Variants in PTPRK observed in about 807,000 individuals in gnomAD.
PTPRK encodes protein tyrosine phosphatase receptor type K.
PTPRK carries 75 observed loss-of-function variants against 178.0 expected under a neutral mutation model. The ratio of observed to expected loss-of-function variants is 0.42; its 90% confidence interval spans 0.35 to 0.51. The LOEUF is 0.51. Ranked by LOEUF, PTPRK falls within the 20% of genes least tolerant of loss-of-function variation. PTPRK has a pLI of 0.02. For missense variants in PTPRK, 1,441 were observed against 1,797.8 expected (o/e 0.80, Z 3.59); for synonymous variants, 637 against 620.6 (o/e 1.03, Z -0.39).
At chr6:128,096,628 A>T (rs1340594054) in intron 7 of PTPRK, among the ~76,000 whole-genome samples, 2 of 152,030 alleles carry the variant, frequency 1.3e-5, no homozygotes, top group African/African-American at 4.8e-5. Flanking sequence ...AAGGAAAAAT[A>T]AAAAAAAGAA....
intron 2 of PTPRK, among the ~76,000 whole-genome samples, chr6:128,366,271 G>A (rs535217093): frequency 1.3e-5 from 2 of 152,030 alleles, no homozygotes; most frequent in South Asian, 2.1e-4. Flanking sequence ...GATCACTTAC[G>A]GAAAAACACT....
chr6:128,411,073 T>C (rs1207849742), intron 1 of PTPRK, among the ~76,000 whole-genome samples: 4 of 152,186 alleles, frequency 2.6e-5, no homozygotes, highest in Non-Finnish European at 4.4e-5. Context: ...TGTATTTTTT[T>C]GTAGAGACAG....
At position 128,112,521 on chromosome 6, in the gene PTPRK, C is replaced by G. The variant is rs10457505; in HGVS notation, c.1163-22529G>C. ...TTATTTGCTCAGCAAAGGGAAAACA[C>G]TTAGGAAAACTGTGGTACAATAAAA... is the stretch of plus-strand genomic sequence containing the variant. On this transcript the variant is annotated intron_variant, in intron 7 of 29. Coordinates refer to ENST00000368226, the MANE Select transcript of PTPRK (RefSeq NM_002844.4). 4.7e-4 allele frequency among the ~76,000 whole-genome samples: 71 copies of G among 152,128 alleles called. 3 individuals carry two copies. Among genetic ancestry groups the G allele is most frequent in the South Asian group, 8.3e-4 (4 of 4,826 alleles).
chr6:128,159,659 T>A (rs150116901), intron 7 of PTPRK, among the ~76,000 whole-genome samples: 1 of 151,826 alleles, frequency 6.6e-6, no homozygotes, highest in African/African-American at 2.4e-5. Flanking sequence ...AAGTACCAAT[T>A]TGCAACTCTT....
intron 6 of PTPRK, among the ~76,000 whole-genome samples, chr6:128,199,090 C>T (rs144914467): frequency 2.0e-5 from 3 of 152,258 alleles, no homozygotes; most frequent in Non-Finnish European, 2.9e-5. Flanking sequence ...TCAGCATACC[C>T]TATGACCTAG....
intron 15 of PTPRK, among the ~76,000 whole-genome samples, chr6:128,003,855 A>G (rs960492743): frequency 9.2e-5 from 14 of 151,888 alleles, no homozygotes; most frequent in Middle Eastern, 3.2e-3. Context: ...AATAAAAATA[A>G]AATAGATCTG....
chr6:128,438,285 T>C (rs1562522892), intron 1 of PTPRK, among the ~76,000 whole-genome samples: 1 of 152,246 alleles, frequency 6.6e-6, no homozygotes, highest in Non-Finnish European at 1.5e-5. Flanking sequence ...CGTGCCACTT[T>C]TGAATGGATG....
At chr6:128,244,296 A>G (rs1815057255) in intron 3 of PTPRK, among the ~76,000 whole-genome samples, 1 of 152,252 alleles carries the variant, frequency 6.6e-6, no homozygotes, top group South Asian at 2.1e-4. Flanking sequence ...TTTCGAAGTT[A>G]TCTGACGAAG....
At chr6:128,140,366 T>C (rs1440359497) in intron 7 of PTPRK, among the ~76,000 whole-genome samples, 1 of 152,004 alleles carries the variant, frequency 6.6e-6, no homozygotes, top group African/African-American at 2.4e-5. Context: ...TCTGAAGCAT[T>C]ACCTTTCAAA....
chr6:128,469,074 G>A (rs957984949), intron 1 of PTPRK, among the ~76,000 whole-genome samples: 1 of 152,106 alleles, frequency 6.6e-6, no homozygotes, highest in Admixed American at 6.6e-5. Context: ...TTTCACATTT[G>A]TAGGAAAAAA....
intron 13 of PTPRK, among the ~76,000 whole-genome samples, chr6:128,035,107 C>T (rs1775987621): frequency 6.6e-6 from 1 of 152,166 alleles, no homozygotes; most frequent in Admixed American, 6.5e-5. Context: ...CACGGTGGCT[C>T]AAGCCTGGCA....
chr6:128,291,108 C>T (rs951677432), intron 3 of PTPRK, among the ~76,000 whole-genome samples: 13 of 151,790 alleles, frequency 8.6e-5, no homozygotes, highest in Admixed American at 2.0e-4. Flanking sequence ...CTTGGATTAC[C>T]CAGGTGGGTT....
intron 7 of PTPRK, among the ~76,000 whole-genome samples, chr6:128,142,501 ATG>A (rs752143362): frequency 9.3e-5 from 12 of 129,440 alleles, no homozygotes; most frequent in East Asian, 5.5e-4. Flanking sequence ...AAATTCTCCC[ATG>A]TGTGTGTGTG....
chr6:128,314,113 G>A (rs901240848), intron 3 of PTPRK, among the ~76,000 whole-genome samples: 2 of 152,082 alleles, frequency 1.3e-5, no homozygotes, highest in African/African-American at 4.8e-5. Flanking sequence ...TGCCTAGTTC[G>A]TTTTTGTCAT....
At chr6:128,389,668 C>T (rs1223360414) in intron 2 of PTPRK, among the ~76,000 whole-genome samples, 2 of 151,810 alleles carry the variant, frequency 1.3e-5, no homozygotes, top group Non-Finnish European at 2.9e-5. Context: ...TTTGAAATTG[C>T]TGTGTGTTCC....
intron 7 of PTPRK, among the ~76,000 whole-genome samples, chr6:128,121,573 T>A (rs1445905816): frequency 6.6e-6 from 1 of 151,980 alleles, no homozygotes; most frequent in Non-Finnish European, 1.5e-5. Context: ...AAGTACAAAC[T>A]TATCTGCACA....
chr6:128,132,547 G>A lies in PTPRK; in HGVS notation c.1163-42555C>T, dbSNP rs974765201. Among the ~76,000 whole-genome samples the A allele has an allele frequency of 5.3e-5, 8 of 152,318 alleles. No homozygotes were observed. In the East Asian group the frequency reaches 9.6e-4, roughly 18 times the overall value. ...TCCTCTGATTCTCCCTTTCCCCACC[G>A]GGGCCCACACTAGAGAACAGCAGTC... On this transcript the variant is annotated intron_variant, in intron 7 of 29. Transcript: ENST00000368226.
chr6:128,009,771 T>C (rs1174512727), intron 13 of PTPRK, among the ~76,000 whole-genome samples: 1 of 151,242 alleles, frequency 6.6e-6, no homozygotes, highest in Non-Finnish European at 1.5e-5. Flanking sequence ...TGATTTAATA[T>C]ATATAATTTG....
At chr6:128,344,579 G>A (rs547218005) in intron 2 of PTPRK, among the ~76,000 whole-genome samples, 6 of 151,760 alleles carry the variant, frequency 4.0e-5, no homozygotes, top group African/African-American at 4.8e-5. Context: ...AGATCATGGC[G>A]ATCATGGCTC....
Sources: allele counts gnomAD v4.1 joint callset (sites outside exome capture counted in the v4.1 genomes callset), GRCh38; gene constraint gnomAD v4.1.1; transcripts MANE v1.5; gene names NCBI Gene and HGNC (gene_info 2026-07-23, HGNC 2026-07-21).